The following IQCM variants were observed in gnomAD, a reference collection of about 807,000 sequenced individuals.
IQCM encodes IQ motif containing M.
A neutral mutation model predicts 57.6 loss-of-function variants in IQCM; 45 were observed. That is an observed-to-expected ratio of 0.78 (90% CI 0.62 to 1.00). The LOEUF (loss-of-function observed/expected upper bound fraction) is 1.00, where lower values mean the gene tolerates loss of function less well. Ranked by LOEUF, IQCM falls within the 50% of genes least tolerant of loss-of-function variation. The probability of loss-of-function intolerance (pLI) is 0.00; values close to 1 mark genes in which losing one functional copy is unlikely to be tolerated. For missense variants in IQCM, 468 were observed against 511.6 expected (o/e 0.91, Z 0.82); for synonymous variants, 148 against 158.9 (o/e 0.93, Z 0.51).
chr4:149,433,211 C>T (rs771436877), intron 13 of IQCM, among the ~76,000 whole-genome samples, 185 bp downstream of exon 13: 1 of 151,928 alleles, frequency 6.6e-6, no homozygotes, highest in Non-Finnish European at 1.5e-5. Context: ...ACTATTCTAG[C>T]GGAGGCACCA....
At chr4:149,787,543 GCTAA>G (rs1287834736) in intron 2 of IQCM, among the ~76,000 whole-genome samples, 4 of 152,020 alleles carry the variant, frequency 2.6e-5, no homozygotes, top group Admixed American at 2.6e-4. Context: ...TGTATTTCCA[GCTAA>G]CTGATTTTTT....
intron 9 of IQCM, among the ~76,000 whole-genome samples, chr4:149,579,493 G>A (rs542966502): frequency 1.3e-5 from 2 of 151,896 alleles, no homozygotes; most frequent in South Asian, 4.1e-4. Context: ...AGGCTAGACT[G>A]GGAAACCAGT....
At chr4:149,612,448 C>G (rs562976474) in intron 8 of IQCM, among the ~76,000 whole-genome samples, 9 of 152,082 alleles carry the variant, frequency 5.9e-5, no homozygotes, top group Non-Finnish European at 1.2e-4. Context: ...CTTTTAGACA[C>G]AGATTTACAA....
intron 7 of IQCM, among the ~76,000 whole-genome samples, chr4:149,623,206 T>TA (rs1756500782): frequency 6.6e-6 from 1 of 152,158 alleles, no homozygotes; most frequent in African/African-American, 2.4e-5. Flanking sequence ...CCTCTCTGAT[T>TA]AAAAAATGAA....
At chr4:149,463,052 T>C (rs1269176687) in intron 12 of IQCM, among the ~76,000 whole-genome samples, 1 of 152,198 alleles carries the variant, frequency 6.6e-6, no homozygotes, top group Admixed American at 6.5e-5. Context: ...CTTGTAAAAA[T>C]AGCATGATTC....
At chr4:149,658,234 A>C (rs1759809998) in intron 7 of IQCM, among the ~76,000 whole-genome samples, 1 of 149,826 alleles carries the variant, frequency 6.7e-6, no homozygotes, top group South Asian at 2.1e-4. Flanking sequence ...CCAATTTCCC[A>C]CCACTGTGTA....
intron 5 of IQCM, chr4:149,691,930 C>G (rs761017094): frequency 6.6e-6 from 1 of 152,152 alleles, no homozygotes; most frequent in Non-Finnish European, 1.5e-5. Context: ...TTAAAACATA[C>G]AACATATATG....
intron 12 of IQCM, among the ~76,000 whole-genome samples, chr4:149,504,557 G>T (rs1017447868): frequency 2.0e-5 from 3 of 151,996 alleles, no homozygotes; most frequent in Non-Finnish European, 4.4e-5. Flanking sequence ...AAGAGGTGGG[G>T]CCTTTGGTAA....
intron 12 of IQCM, among the ~76,000 whole-genome samples, chr4:149,463,703 T>C (rs538311664): frequency 1.5e-3 from 231 of 152,324 alleles, no homozygotes; most frequent in African/African-American, 5.3e-3. Flanking sequence ...TGTTTCCCTT[T>C]AAAATGAACT....
intron 12 of IQCM, among the ~76,000 whole-genome samples, chr4:149,484,034 C>T (rs924682067): frequency 2.7e-4 from 41 of 151,816 alleles, no homozygotes; most frequent in African/African-American, 9.7e-4. Flanking sequence ...CCTTCTTTGT[C>T]GCTTCTTACA....
intron 8 of IQCM, among the ~76,000 whole-genome samples, chr4:149,596,541 A>G (rs937064320): frequency 1.3e-5 from 2 of 152,156 alleles, no homozygotes; most frequent in African/African-American, 4.8e-5. Context: ...AAAAGTACTC[A>G]TAAAACCCAA....
In IQCM at chr4:149,351,820, C is replaced by G. The variant is rs1728610693; in HGVS notation, c.*131G>C. 3.1e-6 allele frequency: 1 copy of G among 318,434 alleles called. No individual in the cohort carries two copies. The highest frequency in any genetic ancestry group is 5.3e-6 in the Non-Finnish European group (1 of 187,594). The allele number at this position is 318,434 out of a possible 1,614,324, so 19.7% of individuals were successfully genotyped here. ...TACTAGAAATTATAGATAAACTTGTCAAAGTTCTTTCTATATTCAAAGATT... is the reference window on the plus strand; with the variant it reads ...TACTAGAAATTATAGATAAACTTGTGAAAGTTCTTTCTATATTCAAAGATT... On this transcript the variant is annotated 3_prime_UTR_variant, in exon 14 of 14. Transcript: ENST00000636793.
intron 2 of IQCM, among the ~76,000 whole-genome samples, chr4:149,808,750 T>C (rs751678628): frequency 2.0e-4 from 30 of 152,126 alleles, no homozygotes; most frequent in Non-Finnish European, 4.3e-4. Flanking sequence ...GGAATCTTGA[T>C]GAAGTGCTTA....
intron 8 of IQCM, among the ~76,000 whole-genome samples, chr4:149,596,399 G>C (rs4132522): frequency 6.6e-6 from 1 of 152,142 alleles, no homozygotes; most frequent in Non-Finnish European, 1.5e-5. Context: ...TATAATTTCA[G>C]AAGCTTGTCT....
Position 149,351,934 on chromosome 4 carries a change from A to G in IQCM, c.*17T>C, listed in dbSNP as rs1728615749. 7.5e-6 allele frequency: 3 copies of G among 398,772 alleles called. No individual in the cohort carries two copies. The Admixed American group carries it at 1.3e-4, about 18-fold the overall frequency. The allele number at this position is 398,772 out of a possible 1,614,324, so 24.7% of individuals were successfully genotyped here. A position where few individuals can be genotyped will look rare whatever the true frequency, so the allele number is the denominator to read the frequency against. On this transcript the variant is annotated 3_prime_UTR_variant, in exon 14 of 14. Transcript: ENST00000636793. ...TAGAGAAGTTTAACTATTACAGGTA[A>G]TAATATGTTGGAAACATCATTCAAC... is the stretch of plus-strand genomic sequence containing the variant.
chr4:149,603,092 G>C (rs1053166445), intron 8 of IQCM, among the ~76,000 whole-genome samples: 1 of 151,980 alleles, frequency 6.6e-6, no homozygotes, highest in East Asian at 1.9e-4. Context: ...TCCATAAATA[G>C]GATATTGCTG....
chr4:149,810,362 CA>C (rs748565416), intron 2 of IQCM, among the ~76,000 whole-genome samples: 19,857 of 86,058 alleles, frequency 0.23, 926 homozygotes, highest in Middle Eastern at 0.28. Context: ...ACACCATCTC[CA>C]AAAAAAAAAA....
intron 2 of IQCM, among the ~76,000 whole-genome samples, chr4:149,795,859 C>G (rs186051615): frequency 6.6e-6 from 1 of 152,296 alleles, no homozygotes; most frequent in African/African-American, 2.4e-5. Context: ...GGAAAGGACT[C>G]AGTTCTGGCA....
intron 12 of IQCM, among the ~76,000 whole-genome samples, chr4:149,491,448 T>C (rs1343550124): frequency 6.6e-6 from 1 of 152,092 alleles, no homozygotes; most frequent in East Asian, 1.9e-4. Context: ...TAAACCATCA[T>C]TCTACTTTCT....
Sources: allele counts gnomAD v4.1 joint callset (sites outside exome capture counted in the v4.1 genomes callset), GRCh38; gene constraint gnomAD v4.1.1; transcripts MANE v1.5; gene names NCBI Gene and HGNC (gene_info 2026-07-23, HGNC 2026-07-21).